Variants in VWC2L observed in about 807,000 individuals in gnomAD.
VWC2L encodes von Willebrand factor C domain containing 2 like, also known as von Willebrand factor C domain-containing protein 2-like.
A neutral mutation model predicts 21.6 loss-of-function variants in VWC2L; 10 were observed. That is an observed-to-expected ratio of 0.46 (90% CI 0.29 to 0.78). VWC2L has a LOEUF of 0.78. Ranked by LOEUF, VWC2L falls within the 30% of genes least tolerant of loss-of-function variation. VWC2L has a pLI of 0.10. For missense variants in VWC2L, 209 were observed against 277.1 expected, an observed-to-expected ratio of 0.75 and a Z score of 1.74; for synonymous variants, 96 against 94.3, an observed-to-expected ratio of 1.02 and a Z score of -0.10.
At chr2:214,455,798 AGT>A (rs780020347) in intron 3 of VWC2L, among the ~76,000 whole-genome samples, 4 of 152,148 alleles carry the variant, frequency 2.6e-5, no homozygotes, top group Non-Finnish European at 5.9e-5. Context: ...TAAACATGTG[AGT>A]ATTTCTCTTT....
intron 3 of VWC2L, among the ~76,000 whole-genome samples, chr2:214,493,134 T>A (rs4439954): frequency 0.077 from 11,785 of 152,294 alleles, 653 homozygotes; most frequent in Admixed American, 0.16. Flanking sequence ...ACAAGTTAGA[T>A]TAGACAGGCT....
In VWC2L at chr2:214,430,559, T is replaced by C. The variant is rs73987327; in HGVS notation, c.391-6070T>C. The stretch of plus-strand genomic sequence containing the variant: ...GAATTTTTTTTTAAATTAGACATCA[T>C]ATTTCTGAATTGTAGTTTATTACCT... On this transcript the variant is annotated intron_variant, in intron 2 of 3. Coordinates refer to ENST00000312504, the MANE Select transcript of VWC2L (RefSeq NM_001080500.4). 1.7e-3 allele frequency among the ~76,000 whole-genome samples: 262 copies of C among 152,324 alleles called. 5 individuals carry two copies. Among genetic ancestry groups the C allele is most frequent in the African/African-American group, 6.0e-3 (251 of 41,576 alleles).
intron 2 of VWC2L, among the ~76,000 whole-genome samples, chr2:214,425,834 T>C (rs1317660619): frequency 6.6e-6 from 1 of 152,064 alleles, no homozygotes; most frequent in Non-Finnish European, 1.5e-5. Context: ...CAGGTACCAC[T>C]GATGATAAGT....
intron 2 of VWC2L, among the ~76,000 whole-genome samples, chr2:214,418,248 G>C (rs1422935313): frequency 6.6e-6 from 1 of 152,164 alleles, no homozygotes; most frequent in African/African-American, 2.4e-5. Flanking sequence ...GTCTGATACT[G>C]TGAAGAGCTT....
At chr2:214,555,974 C>T (rs1414484527) in intron 3 of VWC2L, among the ~76,000 whole-genome samples, 1 of 152,106 alleles carries the variant, frequency 6.6e-6, no homozygotes, top group Non-Finnish European at 1.5e-5. Context: ...AATGACTATA[C>T]AAAAATGTAT....
intron 2 of VWC2L, among the ~76,000 whole-genome samples, chr2:214,419,475 T>C (rs374212166): frequency 6.6e-6 from 1 of 152,234 alleles, no homozygotes; most frequent in Non-Finnish European, 1.5e-5. Context: ...CCTTATACTT[T>C]AGAACTTGTA....
chr2:214,553,994 A>C (rs973707042), intron 3 of VWC2L, among the ~76,000 whole-genome samples: 2 of 152,188 alleles, frequency 1.3e-5, no homozygotes, highest in Non-Finnish European at 2.9e-5. Flanking sequence ...TCCCAGGTAC[A>C]TAGAATTGCT....
At chr2:214,472,630 G>A (rs1047942693) in intron 3 of VWC2L, among the ~76,000 whole-genome samples, 2 of 152,176 alleles carry the variant, frequency 1.3e-5, no homozygotes, top group African/African-American at 4.8e-5. Context: ...TCAGGCAACA[G>A]GTTAAAGTAG....
chr2:214,573,291 C>T (rs1163264269), intron 3 of VWC2L, among the ~76,000 whole-genome samples: 1 of 152,082 alleles, frequency 6.6e-6, no homozygotes, highest in Admixed American at 6.6e-5. Flanking sequence ...GGTTAAGATT[C>T]TTCTGACTGT....
rs535797573 is a variant in VWC2L, at chr2:214,442,061, G to A, written c.520+5303G>A. Among the ~76,000 whole-genome samples the A allele has an allele frequency of 1.9e-3, 284 of 151,922 alleles. 1 individual carries two copies. Among genetic ancestry groups the A allele is most frequent in the African/African-American group, 6.6e-3 (274 of 41,448 alleles). ...CAAGTAGCTGGGATTATAGGTGCCCGCCACCACACCCGGCTAATTTTTGTA... is the reference window on the plus strand; with the variant it reads ...CAAGTAGCTGGGATTATAGGTGCCCACCACCACACCCGGCTAATTTTTGTA... On this transcript the variant is annotated intron_variant, in intron 3 of 3. Coordinates refer to ENST00000312504, the MANE Select transcript of VWC2L (RefSeq NM_001080500.4).
At chr2:214,528,514 GTTTTAGTTCCTTCAACTA>G (rs1263422911) in intron 3 of VWC2L, among the ~76,000 whole-genome samples, 1 of 152,026 alleles carries the variant, frequency 6.6e-6, no homozygotes, top group African/African-American at 2.4e-5. Flanking sequence ...TGAGATAAAA[GTTTTAGTTCCTTCAACTA>G]TTCTTAATAT....
chr2:214,426,806 T>C (rs558458337), intron 2 of VWC2L, among the ~76,000 whole-genome samples: 1 of 152,352 alleles, frequency 6.6e-6, no homozygotes, highest in Non-Finnish European at 1.5e-5. Flanking sequence ...TGTATATATT[T>C]CCTATATTGT....
intron 3 of VWC2L, among the ~76,000 whole-genome samples, chr2:214,489,972 G>T (rs1035733331): frequency 2.0e-5 from 3 of 152,216 alleles, no homozygotes; most frequent in African/African-American, 7.2e-5. Flanking sequence ...CTTTTGGCAG[G>T]AACTAGTCAC....
intron 3 of VWC2L, among the ~76,000 whole-genome samples, chr2:214,524,091 A>G (rs1689288704): frequency 6.6e-6 from 1 of 152,218 alleles, no homozygotes; most frequent in Non-Finnish European, 1.5e-5. Context: ...AATTTTAAAT[A>G]CATTGAACCA....
chr2:214,508,231 C>T (rs1398576259), intron 3 of VWC2L, among the ~76,000 whole-genome samples: 1 of 152,166 alleles, frequency 6.6e-6, no homozygotes, highest in African/African-American at 2.4e-5. Flanking sequence ...GCCTCAGCCT[C>T]CCAAAGTGAT....
intron 3 of VWC2L, among the ~76,000 whole-genome samples, chr2:214,520,665 C>T (rs1356413808): frequency 6.6e-6 from 1 of 152,166 alleles, no homozygotes; most frequent in African/African-American, 2.4e-5. Flanking sequence ...TCACACTTGC[C>T]AGCATCAAGT....
At chr2:214,433,371 C>T (rs938146163) in intron 2 of VWC2L, among the ~76,000 whole-genome samples, 1 of 151,876 alleles carries the variant, frequency 6.6e-6, no homozygotes, top group African/African-American at 2.4e-5. Context: ...AATCACCATA[C>T]TTACAAATCT....
Position 214,553,448 on chromosome 2 carries a change from C to T in VWC2L, c.521-22224C>T, listed in dbSNP as rs144960065. On this transcript the variant is annotated intron_variant, in intron 3 of 3. Coordinates refer to ENST00000312504, the MANE Select transcript of VWC2L (RefSeq NM_001080500.4). ...GGGACAACTGGAAGTGGGGGCTTCC[C>T]GGTCATAGGCAGATTCAAAGATTTT... is the stretch of plus-strand genomic sequence containing the variant. Among the ~76,000 whole-genome samples, 291 of 152,194 alleles carry T rather than the reference C, an allele frequency of 1.9e-3. 1 individual carries two copies. Among genetic ancestry groups the T allele is most frequent in the African/African-American group, 6.2e-3 (258 of 41,528 alleles).
chr2:214,509,898 G>A (rs1406677160), intron 3 of VWC2L, among the ~76,000 whole-genome samples: 3 of 152,068 alleles, frequency 2.0e-5, no homozygotes, highest in Non-Finnish European at 4.4e-5. Context: ...CCTTTTGAAG[G>A]AAACAAACAA....
Sources: allele counts gnomAD v4.1 joint callset (sites outside exome capture counted in the v4.1 genomes callset), GRCh38; gene constraint gnomAD v4.1.1; transcripts MANE v1.5; gene names NCBI Gene and HGNC (gene_info 2026-07-23, HGNC 2026-07-21).